The following GALNTL6 variants were observed in gnomAD, a reference collection of about 807,000 sequenced individuals.
The protein encoded by GALNTL6 is polypeptide N-acetylgalactosaminyltransferase like 6.
In GALNTL6, 46 loss-of-function variants were observed where a neutral mutation model predicts 73.7. That is an observed-to-expected ratio of 0.62 (90% confidence interval 0.49 to 0.80). The LOEUF is 0.80. Ranked by LOEUF, GALNTL6 falls within the 30% of genes least tolerant of loss-of-function variation. The probability of loss-of-function intolerance (pLI) is 0.00; values close to 1 mark genes in which losing one functional copy is unlikely to be tolerated. For missense variants in GALNTL6, 604 were observed against 755.0 expected, an observed-to-expected ratio of 0.80 and a Z score of 2.34; for synonymous variants, 259 against 263.7, an observed-to-expected ratio of 0.98 and a Z score of 0.17.
At chr4:172,399,938 G>T (rs973992823) in intron 5 of GALNTL6, among the ~76,000 whole-genome samples, 1 of 152,010 alleles carries the variant, frequency 6.6e-6, no homozygotes, top group Non-Finnish European at 1.5e-5. Flanking sequence ...TAAAAAGTTT[G>T]CTTCTCTCAT....
At chr4:172,513,140 C>A (rs1378197845) in intron 5 of GALNTL6, among the ~76,000 whole-genome samples, 2 of 151,976 alleles carry the variant, frequency 1.3e-5, no homozygotes, top group African/African-American at 4.8e-5. Flanking sequence ...TAGCTTTGTT[C>A]ATATTTTTTT....
At chr4:171,938,242 G>A (rs1738413721) in intron 2 of GALNTL6, among the ~76,000 whole-genome samples, 1 of 152,092 alleles carries the variant, frequency 6.6e-6, no homozygotes. Flanking sequence ...GGAATGTTAA[G>A]TGTGAAATAT....
At chr4:172,574,243 T>C (rs1195800109) in intron 5 of GALNTL6, among the ~76,000 whole-genome samples, 3 of 152,082 alleles carry the variant, frequency 2.0e-5, no homozygotes, top group African/African-American at 7.2e-5. Context: ...TGCATCAGTC[T>C]TGTAGTGTTT....
chr4:172,123,682 A>G (rs1385575971), intron 2 of GALNTL6, among the ~76,000 whole-genome samples: 2 of 151,712 alleles, frequency 1.3e-5, no homozygotes, highest in Admixed American at 6.6e-5. Context: ...TTGTATTTTT[A>G]GTAGAGATGG....
chr4:171,847,560 C>T (rs1426374415), intron 2 of GALNTL6, among the ~76,000 whole-genome samples: 1 of 152,210 alleles, frequency 6.6e-6, no homozygotes, highest in Admixed American at 6.5e-5. Context: ...TCCTTTTATC[C>T]ACAGTAAAAC....
chr4:172,541,228 T>C (rs1735540558), intron 5 of GALNTL6, among the ~76,000 whole-genome samples: 1 of 152,216 alleles, frequency 6.6e-6, no homozygotes, highest in Admixed American at 6.5e-5. Flanking sequence ...TGGCCTTGCA[T>C]AGCCTTAGGT....
intron 2 of GALNTL6, among the ~76,000 whole-genome samples, chr4:172,008,614 C>T (rs376470890): frequency 8.5e-5 from 13 of 152,182 alleles, no homozygotes; most frequent in African/African-American, 3.1e-4. Flanking sequence ...GTGTATCAAA[C>T]CACTAAGAAC....
At chr4:172,515,834 A>G (rs1225929970) in intron 5 of GALNTL6, among the ~76,000 whole-genome samples, 2 of 152,256 alleles carry the variant, frequency 1.3e-5, no homozygotes, top group South Asian at 2.1e-4. Flanking sequence ...TCTGAAGGAG[A>G]ACTCAGGATG....
intron 2 of GALNTL6, among the ~76,000 whole-genome samples, chr4:171,909,091 A>C (rs532270356): frequency 6.6e-6 from 1 of 151,216 alleles, no homozygotes; most frequent in Non-Finnish European, 1.5e-5. Flanking sequence ...ACATGTATAC[A>C]TATGTAACTA....
intron 2 of GALNTL6, among the ~76,000 whole-genome samples, chr4:171,991,806 A>C (rs1281496424): frequency 6.7e-6 from 1 of 149,668 alleles, no homozygotes; most frequent in Non-Finnish European, 1.5e-5. Flanking sequence ...TATTTGAGCA[A>C]AATTTGCTAC....
chr4:172,627,537 T>A (rs563217207), intron 5 of GALNTL6, among the ~76,000 whole-genome samples: 26 of 144,442 alleles, frequency 1.8e-4, no homozygotes, highest in Admixed American at 1.7e-3. Context: ...CTCTTCCTTG[T>A]TTTTTTTTTT....
At chr4:172,580,943 G>A (rs1459973118) in intron 5 of GALNTL6, among the ~76,000 whole-genome samples, 1 of 152,066 alleles carries the variant, frequency 6.6e-6, no homozygotes, top group Admixed American at 6.6e-5. Context: ...TGTATTTTTA[G>A]TAAAGATGGA....
At chr4:172,268,405 T>C (rs1163122561) in intron 3 of GALNTL6, among the ~76,000 whole-genome samples, 1 of 152,214 alleles carries the variant, frequency 6.6e-6, no homozygotes, top group Non-Finnish European at 1.5e-5. Flanking sequence ...AGGCCAACTG[T>C]AGCTGAGATA....
chr4:172,156,549 A>ATATATAC (rs1560945640), intron 2 of GALNTL6, among the ~76,000 whole-genome samples: 1 of 65,942 alleles, frequency 1.5e-5, no homozygotes, highest in African/African-American at 5.9e-5. Flanking sequence ...TAATATATAT[A>ATATATAC]TATATATATA....
At chr4:172,288,094 A>ATTT (rs11354201) in intron 3 of GALNTL6, among the ~76,000 whole-genome samples, 5,104 of 144,658 alleles carry the variant, frequency 0.035, 289 homozygotes, top group African/African-American at 0.12. Context: ...GATAGAATTG[A>ATTT]TTTTTTTTTT....
intron 7 of GALNTL6, among the ~76,000 whole-genome samples, chr4:172,859,799 G>C (rs1437097563): frequency 6.6e-6 from 1 of 152,110 alleles, no homozygotes; most frequent in East Asian, 1.9e-4. Flanking sequence ...GATTCTCATA[G>C]GAGTGTGAAC....
intron 10 of GALNTL6, among the ~76,000 whole-genome samples, chr4:172,962,419 A>G (rs940270986): frequency 6.6e-6 from 1 of 152,178 alleles, no homozygotes; most frequent in African/African-American, 2.4e-5. Context: ...TTTTTTTGCT[A>G]ACGTCCTTTT....
At chr4:172,255,871 G>T (rs1033766353) in intron 3 of GALNTL6, among the ~76,000 whole-genome samples, 4 of 151,218 alleles carry the variant, frequency 2.6e-5, no homozygotes, top group Non-Finnish European at 5.9e-5. Flanking sequence ...AATCAGAGTA[G>T]GCAATTAAAA....
chr4:172,472,748 A>G (rs1034576000), intron 5 of GALNTL6, among the ~76,000 whole-genome samples: 7 of 152,156 alleles, frequency 4.6e-5, no homozygotes, highest in Admixed American at 4.6e-4. Context: ...GACACAAACC[A>G]AAGAATGCCT....
Sources: gnomAD v4.1 joint callset for allele counts (sites outside exome capture counted in the v4.1 genomes callset) on GRCh38, gnomAD v4.1.1 for gene constraint, MANE v1.5 for transcripts, NCBI Gene and HGNC (gene_info 2026-07-23, HGNC 2026-07-21) for gene names.